Variants in KCND3 observed in about 807,000 individuals in gnomAD.
The protein encoded by KCND3 is A-type voltage-gated potassium channel KCND3.
A neutral mutation model predicts 51.1 loss-of-function variants in KCND3; 9 were observed. That is an observed-to-expected ratio of 0.18 (90% CI 0.11 to 0.31). The LOEUF is 0.31. Ranked by LOEUF, KCND3 falls within the 10% of genes least tolerant of loss-of-function variation. The pLI, the probability that KCND3 is intolerant of heterozygous loss-of-function variation, is 1.00. For synonymous variants in KCND3, 349 were observed against 368.0 expected (o/e 0.95, Z 0.59); for missense variants, 526 against 903.8 (o/e 0.58, Z 5.36).
intron 2 of KCND3, among the ~76,000 whole-genome samples, chr1:111,939,746 T>C (rs980846297): frequency 6.6e-6 from 1 of 152,246 alleles, no homozygotes; most frequent in African/African-American, 2.4e-5. Flanking sequence ...TACCCAGTAA[T>C]GGGATTGCTG....
intron 2 of KCND3, among the ~76,000 whole-genome samples, chr1:111,868,673 C>T (rs1174290304): frequency 6.6e-6 from 1 of 152,166 alleles, no homozygotes; most frequent in Non-Finnish European, 1.5e-5. Context: ...TATCTAAACT[C>T]CATAATAACA....
chr1:111,905,363 C>A (rs532529373), intron 2 of KCND3, among the ~76,000 whole-genome samples: 5 of 152,338 alleles, frequency 3.3e-5, no homozygotes, highest in African/African-American at 9.6e-5. Flanking sequence ...CAGCTGATCA[C>A]CACAGCCCTG....
At chr1:111,877,889 A>T (rs1669120155) in intron 2 of KCND3, among the ~76,000 whole-genome samples, 1 of 152,240 alleles carries the variant, frequency 6.6e-6, no homozygotes, top group Admixed American at 6.5e-5. Flanking sequence ...AAGCAAAAGG[A>T]GGAGGCTGAT....
rs762936059 is a variant in KCND3, at chr1:111,780,702, C to A, written c.1359G>T (p.Ala453=). Residue 453 remains alanine (A), a synonymous_variant, in exon 4 of 8, where the codon GCG becomes GCT. Coordinates refer to ENST00000302127, the MANE Select transcript of KCND3 (RefSeq NM_001378969.1). This position sits in a 1 kb window ranked among gnomAD's most constrained non-coding sequence, Gnocchi z 4.2. ...TCTAGGCACCTACCGTCAGCTCCAG[C>A]GCCTCGTTGAGGAGCCCGTTGCGCT... ...HSKRNGLLNE[A]LELTGTPEEE... is the part of the protein sequence containing the mutation. 2.5e-6 allele frequency: 4 copies of A among 1,610,012 alleles called. No homozygotes were observed. The highest frequency in any genetic ancestry group is 2.2e-5 in the South Asian group (2 of 89,636).
intron 2 of KCND3, among the ~76,000 whole-genome samples, chr1:111,846,229 A>G (rs562816173): frequency 3.3e-5 from 5 of 152,328 alleles, no homozygotes; most frequent in African/African-American, 1.2e-4. Context: ...TGGCCACCCT[A>G]ACTATCATCC....
chr1:111,963,474 T>A (rs189927419), intron 2 of KCND3, among the ~76,000 whole-genome samples: 14 of 152,320 alleles, frequency 9.2e-5, no homozygotes, highest in African/African-American at 2.9e-4. Flanking sequence ...ACCTGTAAAG[T>A]GGGGATGATA....
At chr1:111,856,709 C>T (rs1014621343) in intron 2 of KCND3, 1 of 152,472 alleles carries the variant, frequency 6.6e-6, no homozygotes, top group African/African-American at 2.4e-5. Context: ...TACTTATGAG[C>T]ACTGGTTCCA....
At chr1:111,801,242 G>T (rs146182036) in intron 2 of KCND3, among the ~76,000 whole-genome samples, 3 of 152,364 alleles carry the variant, frequency 2.0e-5, no homozygotes, top group African/African-American at 7.2e-5. Flanking sequence ...AAGCGGGAAG[G>T]TGGGAAGGGC....
chr1:111,859,876 T>A (rs1668255028), intron 2 of KCND3, among the ~76,000 whole-genome samples: 1 of 152,262 alleles, frequency 6.6e-6, no homozygotes, highest in Non-Finnish European at 1.5e-5. Context: ...TTTGATGAGA[T>A]GAGGGTTTGG....
intron 2 of KCND3, among the ~76,000 whole-genome samples, chr1:111,850,673 G>C (rs1379606639): frequency 6.6e-6 from 1 of 152,144 alleles, no homozygotes; most frequent in Non-Finnish European, 1.5e-5. Flanking sequence ...TGGCCACTGG[G>C]GACCACTGCA....
intron 2 of KCND3, among the ~76,000 whole-genome samples, chr1:111,960,734 T>C (rs1437764480): frequency 6.6e-6 from 1 of 152,192 alleles, no homozygotes; most frequent in Non-Finnish European, 1.5e-5. Flanking sequence ...GGGGAACACT[T>C]TCTCTCCAAC....
chr1:111,932,466 T>A (rs551064943), intron 2 of KCND3, among the ~76,000 whole-genome samples: 1 of 152,298 alleles, frequency 6.6e-6, no homozygotes, highest in African/African-American at 2.4e-5. Flanking sequence ...ATCACCACTA[T>A]CCATCTTCAG....
chr1:111,882,508 G>A (rs1669379462), intron 2 of KCND3, among the ~76,000 whole-genome samples: 1 of 152,230 alleles, frequency 6.6e-6, no homozygotes, highest in Non-Finnish European at 1.5e-5. Flanking sequence ...CTGTGGTCTA[G>A]TCCTGCTTTG....
intron 2 of KCND3, among the ~76,000 whole-genome samples, chr1:111,961,708 G>C (rs1286337287): frequency 6.6e-6 from 1 of 152,140 alleles, no homozygotes; most frequent in Non-Finnish European, 1.5e-5. Context: ...CAGAGGGGGG[G>C]CATTTGAAGG....
intron 2 of KCND3, among the ~76,000 whole-genome samples, chr1:111,957,943 AG>A (rs1325740866): frequency 1.3e-5 from 2 of 152,270 alleles, no homozygotes; most frequent in Admixed American, 1.3e-4. Flanking sequence ...GGGTAAAAAG[AG>A]GGGGGAAAGC....
chr1:111,929,523 C>T (rs1402911540), intron 2 of KCND3, among the ~76,000 whole-genome samples: 1 of 152,220 alleles, frequency 6.6e-6, no homozygotes, highest in Non-Finnish European at 1.5e-5. Context: ...ACCTCCTAAT[C>T]GAAACTGTTC....
At chr1:111,802,122 T>C (rs1557945557) in intron 2 of KCND3, among the ~76,000 whole-genome samples, 1 of 152,376 alleles carries the variant, frequency 6.6e-6, no homozygotes, top group East Asian at 1.9e-4. Context: ...TGTAAAAGCA[T>C]TTCATGATCT....
At chr1:111,946,002 C>A (rs553779132) in intron 2 of KCND3, among the ~76,000 whole-genome samples, 2 of 152,340 alleles carry the variant, frequency 1.3e-5, no homozygotes, top group East Asian at 3.9e-4. Context: ...AAGGGGAGAA[C>A]ACTACCAACA....
intron 3 of KCND3, among the ~76,000 whole-genome samples, chr1:111,783,870 T>A (rs1664493388): frequency 6.6e-6 from 1 of 152,168 alleles, no homozygotes; most frequent in South Asian, 2.1e-4. Context: ...AATCCAGGAA[T>A]CATATAGAAT....
Sources: allele counts gnomAD v4.1 joint callset (sites outside exome capture counted in the v4.1 genomes callset), GRCh38; gene constraint gnomAD v4.1.1; non-coding constraint Gnocchi (gnomAD v3.1); transcripts MANE v1.5; gene names NCBI Gene and HGNC (gene_info 2026-07-23, HGNC 2026-07-21).